GRIK2: variants seen among roughly 807,000 people sequenced by gnomAD.
GRIK2 encodes the protein glutamate ionotropic receptor kainate type subunit 2.
GRIK2 carries 32 observed loss-of-function variants against 100.3 expected under a neutral mutation model. The observed-to-expected ratio is 0.32, with a 90% CI of 0.24 to 0.43. The LOEUF (loss-of-function observed/expected upper bound fraction) is 0.43, where lower values mean the gene tolerates loss of function less well. Ranked by LOEUF, GRIK2 falls within the 20% of genes least tolerant of loss-of-function variation. GRIK2 has a pLI of 1.00. For synonymous variants in GRIK2, 417 were observed against 389.4 expected (o/e 1.07, Z -0.83); for missense variants, 843 against 1,114.9 (o/e 0.76, Z 3.47).
intron 2 of GRIK2, among the ~76,000 whole-genome samples, chr6:101,582,387 A>T (rs513250): frequency 0.31 from 46,513 of 151,876 alleles, 8,698 homozygotes; most frequent in African/African-American, 0.53. Flanking sequence ...ATGCCCATCA[A>T]TGATAGACTG....
At chr6:101,671,175 A>C (rs1326938460) in intron 4 of GRIK2, among the ~76,000 whole-genome samples, 1 of 152,242 alleles carries the variant, frequency 6.6e-6, no homozygotes, top group Non-Finnish European at 1.5e-5. Flanking sequence ...AATCTAAATT[A>C]GCAATTCTTA....
chr6:101,752,469 A>C (rs776307604), intron 7 of GRIK2, among the ~76,000 whole-genome samples: 1 of 152,210 alleles, frequency 6.6e-6, no homozygotes, highest in Non-Finnish European at 1.5e-5. Flanking sequence ...CGACTTAGTC[A>C]CAGTTCATAG....
At chr6:101,465,864 A>C (rs1446849102) in intron 2 of GRIK2, among the ~76,000 whole-genome samples, 1 of 152,224 alleles carries the variant, frequency 6.6e-6, no homozygotes, top group African/African-American at 2.4e-5. Context: ...ATTATCTTTA[A>C]TTTGGAGAAT....
chr6:101,967,160 G>C (rs1792734335), intron 14 of GRIK2, among the ~76,000 whole-genome samples: 1 of 151,634 alleles, frequency 6.6e-6, no homozygotes, highest in African/African-American at 2.4e-5. Flanking sequence ...TAGTAACCTA[G>C]TATACAAACT....
At chr6:102,060,053 G>T (rs965118907) in intron 16 of GRIK2, among the ~76,000 whole-genome samples, 3 of 150,328 alleles carry the variant, frequency 2.0e-5, no homozygotes, top group Non-Finnish European at 4.5e-5. Context: ...TGTGCAATAG[G>T]TGTCCCATCT....
intron 7 of GRIK2, among the ~76,000 whole-genome samples, chr6:101,714,535 T>C (rs572451590): frequency 6.6e-6 from 1 of 151,896 alleles, no homozygotes; most frequent in South Asian, 2.1e-4. Flanking sequence ...TTTTAAAATA[T>C]TATCTTCTGA....
chr6:101,986,957 CAGTG>C (rs938439605), intron 14 of GRIK2, among the ~76,000 whole-genome samples: 1 of 151,662 alleles, frequency 6.6e-6, no homozygotes, highest in Admixed American at 6.6e-5. Flanking sequence ...CTTGACAAAA[CAGTG>C]AGACCCCAGC....
chr6:101,411,481 TAG>T (rs1412532676), intron 2 of GRIK2, among the ~76,000 whole-genome samples: 1 of 152,136 alleles, frequency 6.6e-6, no homozygotes, highest in Non-Finnish European at 1.5e-5. Context: ...TGGTGGTTCT[TAG>T]TCCCTTTATT....
At chr6:101,962,638 A>C (rs1003537346) in intron 14 of GRIK2, among the ~76,000 whole-genome samples, 1 of 152,168 alleles carries the variant, frequency 6.6e-6, no homozygotes, top group African/African-American at 2.4e-5. Context: ...TGAAGTCCTC[A>C]ACTCTTTTTG....
intron 10 of GRIK2, among the ~76,000 whole-genome samples, chr6:101,857,073 G>A (rs1488809078): frequency 1.3e-5 from 2 of 152,120 alleles, no homozygotes; most frequent in Admixed American, 6.5e-5. Context: ...GGTCTAGCAG[G>A]GTGGAATGAG....
chr6:101,629,671 ACTTTTTGT>A (rs752390112), intron 4 of GRIK2, among the ~76,000 whole-genome samples: 8 of 152,082 alleles, frequency 5.3e-5, no homozygotes, highest in Non-Finnish European at 1.2e-4. Context: ...TATATAGTAG[ACTTTTTGT>A]CTTTTTGTTT....
At chr6:101,502,249 A>G (rs1773794788) in intron 2 of GRIK2, among the ~76,000 whole-genome samples, 3 of 152,210 alleles carry the variant, frequency 2.0e-5, no homozygotes, top group Admixed American at 2.0e-4. Context: ...ATTGAAAGGT[A>G]CATTCCCATT....
At chr6:101,754,103 T>A (rs1776973038) in intron 7 of GRIK2, among the ~76,000 whole-genome samples, 1 of 146,782 alleles carries the variant, frequency 6.8e-6, no homozygotes, top group Non-Finnish European at 1.5e-5. Context: ...CTTAGATAAC[T>A]TCTTCTCCTA....
At chr6:101,619,217 AGTTAACATT>A (rs961300212) in intron 2 of GRIK2, among the ~76,000 whole-genome samples, 16 of 151,194 alleles carry the variant, frequency 1.1e-4, no homozygotes, top group African/African-American at 3.4e-4. Flanking sequence ...TCTTTTCTTT[AGTTAACATT>A]GTTGGGTGGT....
At position 101,556,321 on chromosome 6, in the gene GRIK2, A is replaced by ATTTTTTTTTTTTTTTTTTTTTTTTTTTTT. The variant is rs10528480; in HGVS notation, c.116-65625_116-65597dup. Among the ~76,000 whole-genome samples, 55 of 59,402 alleles carry ATTTTTTTTTTTTTTTTTTTTTTTTTTTTT rather than the reference A, an allele frequency of 9.3e-4. 18 individuals are homozygous for ATTTTTTTTTTTTTTTTTTTTTTTTTTTTT. Among genetic ancestry groups the ATTTTTTTTTTTTTTTTTTTTTTTTTTTTT allele is most frequent in the Non-Finnish European group, 1.1e-3 (30 of 27,412 alleles). 39.0% of individuals were successfully genotyped at this position (59,402 alleles called of 152,430 possible). ...AATTGCACTATGTAATATATTGGTA[A>ATTTTTTTTTTTTTTTTTTTTTTTTTTTTT]TTTTTTTTTTTTTTTTTTTTTTTTT... is the stretch of plus-strand genomic sequence containing the variant. On this transcript the variant is annotated intron_variant, in intron 2 of 16. Transcript: ENST00000369134.
At chr6:101,411,114 G>A (rs1473261562) in intron 2 of GRIK2, among the ~76,000 whole-genome samples, 1 of 151,992 alleles carries the variant, frequency 6.6e-6, no homozygotes, top group Non-Finnish European at 1.5e-5. Flanking sequence ...TAAGGATTCT[G>A]GGTTGATCAC....
intron 2 of GRIK2, among the ~76,000 whole-genome samples, chr6:101,519,947 A>G (rs2224200): frequency 0.42 from 64,301 of 151,828 alleles, 13,815 homozygotes; most frequent in South Asian, 0.57. Flanking sequence ...AATTGAGATT[A>G]AGGCATGGTT....
At position 101,618,622 on chromosome 6, in the gene GRIK2, C is replaced by A. The variant is rs537440643; in HGVS notation, c.116-3327C>A. On this transcript the variant is annotated intron_variant, in intron 2 of 16. Coordinates refer to ENST00000369134, the MANE Select transcript of GRIK2 (RefSeq NM_021956.5). ...TGTTTGTATTTTCTCGTATACTTCACATGTTGAAGCAATGTAGTGGCTTCC... is the reference window on the plus strand; with the variant it reads ...TGTTTGTATTTTCTCGTATACTTCAAATGTTGAAGCAATGTAGTGGCTTCC... Among the ~76,000 whole-genome samples the A allele has an allele frequency of 2.4e-3, 372 of 151,860 alleles. 2 individuals carry two copies. Among genetic ancestry groups the A allele is most frequent in the African/African-American group, 8.8e-3 (367 of 41,504 alleles).
chr6:101,617,364 G>A (rs893845481), intron 2 of GRIK2, among the ~76,000 whole-genome samples: 2 of 151,668 alleles, frequency 1.3e-5, no homozygotes, highest in African/African-American at 4.8e-5. Flanking sequence ...GTATACTTTT[G>A]TGTCTGGCTT....
Sources: allele counts gnomAD v4.1 joint callset (sites outside exome capture counted in the v4.1 genomes callset), GRCh38; gene constraint gnomAD v4.1.1; transcripts MANE v1.5; gene names NCBI Gene and HGNC (gene_info 2026-07-23, HGNC 2026-07-21).